The following PLEKHA7 variants were observed in gnomAD, a reference collection of about 807,000 sequenced individuals.
PLEKHA7 encodes the protein pleckstrin homology domain-containing family A member 7.
A neutral mutation model predicts 170.0 loss-of-function variants in PLEKHA7; 104 were observed. The observed-to-expected ratio is 0.61, with a 90% CI of 0.52 to 0.72. The LOEUF (loss-of-function observed/expected upper bound fraction) is 0.72, where lower values mean the gene tolerates loss of function less well. Ranked by LOEUF, PLEKHA7 falls within the 30% of genes least tolerant of loss-of-function variation. PLEKHA7 has a pLI of 0.00. For synonymous variants in PLEKHA7, 648 were observed against 660.8 expected (o/e 0.98, Z 0.30); for missense variants, 1,615 against 1,671.7 (o/e 0.97, Z 0.59).
intron 23 of PLEKHA7, chr11:16,786,650 G>T (rs1460201655): frequency 1.0e-6 from 1 of 985,386 alleles, no homozygotes; most frequent in East Asian, 1.1e-4. Flanking sequence ...CAGGCTCACA[G>T]TGGTCCCCAG....
intron 3 of PLEKHA7, among the ~76,000 whole-genome samples, chr11:16,922,103 A>G (rs1304552599): frequency 6.6e-6 from 1 of 152,202 alleles, no homozygotes; most frequent in Non-Finnish European, 1.5e-5. Context: ...AAGTCAGATG[A>G]AACCCTTCTA....
At position 16,855,928 on chromosome 11, in the gene PLEKHA7, G is replaced by C. The variant is rs1363291786; in HGVS notation, c.306-14C>G. ...TGTGGATTCGGCCTGTGAGGAGACAGGGGATTCCAGTGAGTAAAAGCCGAG... is the reference window on the plus strand; with the variant it reads ...TGTGGATTCGGCCTGTGAGGAGACACGGGATTCCAGTGAGTAAAAGCCGAG... On this transcript the variant is annotated splice_polypyrimidine_tract_variant and intron_variant, in intron 4 of 26. Transcript: ENST00000531066. The C allele has an allele frequency of 1.3e-6, 2 of 1,595,174 alleles. No homozygotes were observed. The highest frequency in any genetic ancestry group is 1.7e-6 in the Non-Finnish European group (2 of 1,163,200).
intron 3 of PLEKHA7, among the ~76,000 whole-genome samples, chr11:16,977,648 C>A (rs1343922977): frequency 6.6e-6 from 1 of 152,100 alleles, no homozygotes; most frequent in Admixed American, 6.6e-5. Flanking sequence ...GCCCATCCTG[C>A]CCCAACTCAG....
At chr11:16,889,204 G>T in intron 3 of PLEKHA7, among the ~76,000 whole-genome samples, 1 of 151,328 alleles carries the variant, frequency 6.6e-6, no homozygotes, top group East Asian at 1.9e-4. Context: ...TTCTTCTTCT[G>T]GATAATAAGT....
At chr11:16,884,211 T>C (rs1855906724) in intron 3 of PLEKHA7, among the ~76,000 whole-genome samples, 1 of 152,144 alleles carries the variant, frequency 6.6e-6, no homozygotes, top group African/African-American at 2.4e-5. Context: ...TGCCAACCTA[T>C]CCCAATATGC....
intron 10 of PLEKHA7, among the ~76,000 whole-genome samples, chr11:16,824,396 G>A (rs371279195): frequency 2.0e-5 from 3 of 152,194 alleles, no homozygotes; most frequent in South Asian, 4.2e-4. Flanking sequence ...AACTAAAAGG[G>A]TATAACTGAA....
chr11:16,904,635 C>A (rs567359113), intron 3 of PLEKHA7, among the ~76,000 whole-genome samples: 174 of 152,186 alleles, frequency 1.1e-3, no homozygotes, highest in Non-Finnish European at 1.9e-3. Flanking sequence ...CTGAATATTA[C>A]TGCTTATTTG....
rs1310059856 is a variant in PLEKHA7, at chr11:17,014,056, C to T, written c.164-10G>A. On this transcript the variant is annotated splice_polypyrimidine_tract_variant and intron_variant, in intron 2 of 26. Coordinates refer to ENST00000531066, the MANE Select transcript of PLEKHA7 (RefSeq NM_001329630.2). ...CAGCCGCGGGGCAGGTCTGCGGAAA[C>T]GCCAGAAAAGTCGGGTCAAACTTGG... 2.5e-6 allele frequency: 4 copies of T among 1,569,978 alleles called. No homozygotes were observed. Among genetic ancestry groups the T allele is most frequent in the Non-Finnish European group, 3.5e-6 (4 of 1,158,452 alleles).
chr11:16,836,122 C>T (rs1005101136), intron 9 of PLEKHA7, among the ~76,000 whole-genome samples: 3 of 152,194 alleles, frequency 2.0e-5, no homozygotes, highest in African/African-American at 7.2e-5. Context: ...GCTTCTAGAC[C>T]AGACTCTGGC....
At chr11:16,866,047 C>G (rs1470611343) in intron 4 of PLEKHA7, among the ~76,000 whole-genome samples, 6 of 151,608 alleles carry the variant, frequency 4.0e-5, no homozygotes, top group Non-Finnish European at 7.4e-5. Context: ...TTGTGTTAGG[C>G]AGGGTGGTCT....
At chr11:16,919,479 A>T (rs1309360859) in intron 3 of PLEKHA7, among the ~76,000 whole-genome samples, 1 of 152,068 alleles carries the variant, frequency 6.6e-6, no homozygotes, top group African/African-American at 2.4e-5. Context: ...GTTCTAGACC[A>T]GCCTGGGCAA....
chr11:16,975,073 A>ATAAAAACC, intron 3 of PLEKHA7: 1 of 697,204 alleles, frequency 1.4e-6, no homozygotes, highest in Non-Finnish European at 2.0e-6. Context: ...CTATGTATAT[A>ATAAAAACC]TGTACAGTTC....
chr11:16,899,186 T>C (rs1240983143), intron 3 of PLEKHA7, among the ~76,000 whole-genome samples: 1 of 152,174 alleles, frequency 6.6e-6, no homozygotes, highest in East Asian at 1.9e-4. Flanking sequence ...TGGGGAAATG[T>C]GTTCAATATA....
In PLEKHA7 at chr11:16,841,534, C is replaced by T. The variant is rs192421927; in HGVS notation, c.872+13G>A. 19 of 1,607,978 alleles carry T rather than the reference C, an allele frequency of 1.2e-5. No homozygotes were observed. In the East Asian group the frequency reaches 4.0e-4, roughly 34 times the overall value. On this transcript the variant is annotated intron_variant, in intron 9 of 26. Transcript: ENST00000531066. The stretch of plus-strand genomic sequence containing the variant: ...AGGAGGTGCTGTGGCAGGGACCCTC[C>T]ATCAGAACTAACCTCTTCAGTGACG...
chr11:16,861,428 G>A (rs192411164), intron 4 of PLEKHA7, among the ~76,000 whole-genome samples: 2 of 151,922 alleles, frequency 1.3e-5, no homozygotes, highest in South Asian at 2.1e-4. Context: ...CAAGGCAAGC[G>A]GATCGCTTGA....
chr11:16,804,055 C>A (rs745508970), intron 13 of PLEKHA7, among the ~76,000 whole-genome samples: 4 of 152,238 alleles, frequency 2.6e-5, no homozygotes, highest in Admixed American at 1.3e-4. Flanking sequence ...CTGTCTCTCA[C>A]TGACTCCTGA....
chr11:16,895,672 T>C (rs11024074), intron 3 of PLEKHA7, among the ~76,000 whole-genome samples: 44,389 of 152,078 alleles, frequency 0.29, 6,638 homozygotes, highest in African/African-American at 0.32. Flanking sequence ...CAATCTGCCA[T>C]TGCAGGGAAA....
At chr11:16,800,580 G>A (rs1192489996) in intron 17 of PLEKHA7, among the ~76,000 whole-genome samples, 2 of 152,244 alleles carry the variant, frequency 1.3e-5, no homozygotes, top group Non-Finnish European at 2.9e-5. Context: ...AGGAATCAGA[G>A]GAGGGAAGGG....
intron 9 of PLEKHA7, among the ~76,000 whole-genome samples, chr11:16,829,447 GTGGCTC>G (rs1010359382): frequency 9.2e-5 from 14 of 152,140 alleles, no homozygotes; most frequent in African/African-American, 3.4e-4. Context: ...TTAACATTCA[GTGGCTC>G]TATAAATTCC....
Sources: allele counts gnomAD v4.1 joint callset (sites outside exome capture counted in the v4.1 genomes callset), GRCh38; gene constraint gnomAD v4.1.1; transcripts MANE v1.5; gene names NCBI Gene and HGNC (gene_info 2026-07-23, HGNC 2026-07-21).